TMEM209: variants seen among roughly 807,000 people sequenced by gnomAD.
The protein encoded by TMEM209 is testicular tissue protein Li 202.
Under a neutral mutation model 76.2 loss-of-function variants are expected in TMEM209, and 65 were observed. The ratio of observed to expected loss-of-function variants is 0.85; its 90% CI spans 0.70 to 1.05. The LOEUF (loss-of-function observed/expected upper bound fraction) is 1.05. Among genes scored for constraint, TMEM209 ranks in the 50% least tolerant of loss-of-function variants. TMEM209 has a pLI of 0.00. For missense variants in TMEM209, 623 were observed against 685.5 expected, an observed-to-expected ratio of 0.91 and a Z score of 1.02; for synonymous variants, 239 against 237.6, an observed-to-expected ratio of 1.01 and a Z score of -0.06.
chr7:130,170,857 C>A (rs1429737708), intron 13 of TMEM209, among the ~76,000 whole-genome samples: 2 of 148,526 alleles, frequency 1.3e-5, no homozygotes, highest in Non-Finnish European at 3.0e-5. Context: ...GAGATGGAGT[C>A]TCGCTGTGTC....
intron 9 of TMEM209, among the ~76,000 whole-genome samples, chr7:130,179,717 T>C (rs1271205902): frequency 6.6e-6 from 1 of 152,226 alleles, no homozygotes; most frequent in Non-Finnish European, 1.5e-5. Context: ...GGCTCATGTC[T>C]GTAATCCTAG....
In TMEM209 at chr7:130,202,648, G is replaced by C. The variant is rs766584994; in HGVS notation, c.215C>G (p.Ser72Cys). The stretch of plus-strand genomic sequence containing the variant: ...AAATAAGGCATTAAGGCTGAAGAGA[G>C]ATGCAAGGGCAAGCTCTGGAAGAGA... ...PLWYIELALA[S>C]LFSLNALFDF... The change falls in exon 4 of 15, where the codon TCT becomes TGT. Residue 72 changes from serine to cysteine, a missense_variant. Coordinates refer to ENST00000397622, the MANE Select transcript of TMEM209 (RefSeq NM_032842.4). 5 of 1,613,014 alleles carry C rather than the reference G, an allele frequency of 3.1e-6. No individual in the cohort carries two copies. Among genetic ancestry groups the C allele is most frequent in the Non-Finnish European group, 4.2e-6 (5 of 1,179,606 alleles).
rs925345713 is a variant in TMEM209, at chr7:130,174,013, T to A, written c.1345-74A>T. 2.2e-5 allele frequency: 22 copies of A among 1,013,752 alleles called. No homozygotes were observed. In the South Asian group the frequency reaches 3.2e-4, roughly 15 times the overall value. 62.8% of individuals were successfully genotyped at this position (1,013,752 alleles called of 1,614,324 possible). A position where few individuals can be genotyped will look rare whatever the true frequency, so the allele number is the denominator to read the frequency against. ...ATGGATGTAGAACCCTTTAGAAACA[T>A]CTGTATTTATAACGATTCCAATTAA... On this transcript the variant is annotated intron_variant, in intron 11 of 14. Transcript: ENST00000397622.
In TMEM209 at chr7:130,202,600, T is replaced by C. The variant is rs1798252231; in HGVS notation, c.263A>G (p.Tyr88Cys). 6.2e-7 allele frequency: 1 copy of C among 1,613,952 alleles called. No individual in the cohort carries two copies. Among genetic ancestry groups the C allele is most frequent in the South Asian group, 1.1e-5 (1 of 91,080 alleles). The part of the protein sequence containing the change: ...ALFDFWRYFK[Y>C]TVAPTSLVVS... ...AACCAGACTTGTTGGTGCCACAGTATATTTGAAATATCTCCAAAAATCAAA... is the reference window on the plus strand; with the variant it reads ...AACCAGACTTGTTGGTGCCACAGTACATTTGAAATATCTCCAAAAATCAAA... The change falls in exon 4 of 15, where the codon TAT (tyrosine) becomes TGT (cysteine). Residue 88 changes from tyrosine to cysteine, a missense_variant. Transcript: ENST00000397622.
At chr7:130,200,175 A>G (rs553415876) in intron 5 of TMEM209, among the ~76,000 whole-genome samples, 17 of 152,154 alleles carry the variant, frequency 1.1e-4, no homozygotes, top group African/African-American at 3.9e-4. Context: ...ATTAAACTCT[A>G]TAATTAAACA....
At chr7:130,198,435 A>ACC (rs1798068166) in intron 5 of TMEM209, among the ~76,000 whole-genome samples, 1 of 152,076 alleles carries the variant, frequency 6.6e-6, no homozygotes, top group Non-Finnish European at 1.5e-5. Context: ...ACATGGTGAA[A>ACC]CCCCGTCTCT....
chr7:130,187,641 T>G (rs1331125593), intron 6 of TMEM209, among the ~76,000 whole-genome samples: 2 of 150,548 alleles, frequency 1.3e-5, no homozygotes, highest in East Asian at 3.9e-4. Flanking sequence ...TCATAGGTTG[T>G]TGGGAGACTT....
At chr7:130,200,511 A>G (rs1798152579) in intron 5 of TMEM209, among the ~76,000 whole-genome samples, 1 of 152,184 alleles carries the variant, frequency 6.6e-6, no homozygotes, top group African/African-American at 2.4e-5. Context: ...TTTATAAATG[A>G]AAATGACTTA....
rs540998448 is a variant in TMEM209 at position 130,175,467 on chromosome 7, A to C, written c.1344+45T>G. On this transcript the variant is annotated intron_variant, in intron 11 of 14. Transcript: ENST00000397622. ...ACAGAGTAAGACCCTGTGTCAGTCA[A>C]TCAACAGTAAATAAATAAATGAATG... 1.9e-6 allele frequency: 3 copies of C among 1,544,978 alleles called. No homozygotes were observed. The African/African-American group carries it at 4.1e-5, about 21-fold the overall frequency.
At chr7:130,177,364 A>AG (rs1245847810) in intron 10 of TMEM209, among the ~76,000 whole-genome samples, 3 of 150,164 alleles carry the variant, frequency 2.0e-5, no homozygotes, top group African/African-American at 7.3e-5. Flanking sequence ...AAAAAAAAAA[A>AG]GAATGATAAT....
intron 7 of TMEM209, among the ~76,000 whole-genome samples, chr7:130,184,789 C>T (rs964268130): frequency 1.3e-5 from 2 of 151,924 alleles, no homozygotes; most frequent in South Asian, 2.1e-4. Context: ...TGTGCCCAGC[C>T]CATTTTTCTT....
At chr7:130,186,765 A>G (rs1797612439) in intron 6 of TMEM209, among the ~76,000 whole-genome samples, 1 of 151,958 alleles carries the variant, frequency 6.6e-6, no homozygotes, top group African/African-American at 2.4e-5. Context: ...GGGCCTTTCC[A>G]TGATGAACAC....
chr7:130,166,431 A>T lies in TMEM209; in HGVS notation c.*20T>A, dbSNP rs1459268062. ...GGTTCAGTGAAATAGTCTAAATGTC[A>T]GAATTAAATATATGACTTGCTACTC... On this transcript the variant is annotated 3_prime_UTR_variant, in exon 15 of 15. Coordinates refer to ENST00000397622, the MANE Select transcript of TMEM209 (RefSeq NM_032842.4). 2.6e-6 allele frequency: 4 copies of T among 1,533,030 alleles called. No homozygotes were observed. The allele number at this position is 1,533,030 out of a possible 1,614,324, so 95.0% of individuals were successfully genotyped here.
chr7:130,174,044 T>C (rs942562007), intron 11 of TMEM209, 105 bp from the exon 12 acceptor site: 1 of 745,924 alleles, frequency 1.3e-6, no homozygotes. Flanking sequence ...ATTAAAAAAT[T>C]TTTTCTCTGA....
rs369607187 is a variant in TMEM209 at position 130,170,388 on chromosome 7, A to C, written c.1631+12T>G. On this transcript the variant is annotated intron_variant, in intron 14 of 14. Coordinates refer to ENST00000397622, the MANE Select transcript of TMEM209 (RefSeq NM_032842.4). ...AAATAACTACTTACGTTTTTAAAGCATAAGTACCTACCCAAGCATTCCTGA... is the reference window on the plus strand; with the variant it reads ...AAATAACTACTTACGTTTTTAAAGCCTAAGTACCTACCCAAGCATTCCTGA... 12 of 1,601,088 alleles carry C rather than the reference A, an allele frequency of 7.5e-6. No individual in the cohort carries two copies. The highest frequency in any genetic ancestry group is 2.2e-5 in the East Asian group (1 of 44,808).
At chr7:130,190,064 G>A (rs1797740456) in intron 6 of TMEM209, among the ~76,000 whole-genome samples, 1 of 152,158 alleles carries the variant, frequency 6.6e-6, no homozygotes, top group African/African-American at 2.4e-5. Flanking sequence ...TCAGCTTACA[G>A]AGGATCCCAC....
At position 130,173,948 on chromosome 7, in the gene TMEM209, G is replaced by A. The variant is rs769793609; in HGVS notation, c.1345-9C>T. 1.1e-5 allele frequency: 17 copies of A among 1,575,346 alleles called. No homozygotes were observed. The highest frequency in any genetic ancestry group is 2.7e-5 in the African/African-American group (2 of 74,230). On this transcript the variant is annotated splice_polypyrimidine_tract_variant and intron_variant, in intron 11 of 14. Coordinates refer to ENST00000397622, the MANE Select transcript of TMEM209 (RefSeq NM_032842.4). ...AATACATGCATGATGATCTGAGGAT[G>A]AAGAAATAATTTTTTTTTAAGTCAG...
intron 5 of TMEM209, among the ~76,000 whole-genome samples, chr7:130,200,956 G>A (rs1188256441): frequency 6.6e-6 from 1 of 151,986 alleles, no homozygotes; most frequent in South Asian, 2.1e-4. Context: ...GGGCACGGTG[G>A]TGGACGCCTG....
chr7:130,179,430 C>T (rs1332920672), intron 9 of TMEM209, among the ~76,000 whole-genome samples: 1 of 152,004 alleles, frequency 6.6e-6, no homozygotes, highest in East Asian at 1.9e-4. Context: ...AAAAGACACA[C>T]AATTGTTTTC....
Sources: allele counts gnomAD v4.1 joint callset (sites outside exome capture counted in the v4.1 genomes callset), GRCh38; gene constraint gnomAD v4.1.1; transcripts MANE v1.5; gene names NCBI Gene and HGNC (gene_info 2026-07-23, HGNC 2026-07-21).